SHISA9: variants seen among roughly 807,000 people sequenced by gnomAD.
SHISA9 encodes the protein shisa family member 9.
SHISA9 carries 13 observed loss-of-function variants against 38.0 expected under a neutral mutation model. The observed-to-expected ratio is 0.34, with a 90% confidence interval of 0.22 to 0.54. The LOEUF (loss-of-function observed/expected upper bound fraction) is 0.54, where lower values mean the gene tolerates loss of function less well. Among genes scored for constraint, SHISA9 ranks in the 20% least tolerant of loss-of-function variants. SHISA9 has a pLI of 0.91. For synonymous variants in SHISA9, 275 were observed against 242.0 expected (o/e 1.14, Z -1.27); for missense variants, 538 against 575.8 (o/e 0.93, Z 0.67).
At chr16:13,012,766 A>G (rs2072693845) in intron 2 of SHISA9, among the ~76,000 whole-genome samples, 1 of 151,948 alleles carries the variant, frequency 6.6e-6, no homozygotes, top group African/African-American at 2.4e-5. Context: ...TACTTACACC[A>G]CTTGCCCATT....
At chr16:13,081,874 T>A (rs1022795931) in intron 2 of SHISA9, among the ~76,000 whole-genome samples, 2 of 151,616 alleles carry the variant, frequency 1.3e-5, no homozygotes, top group Non-Finnish European at 2.9e-5. Flanking sequence ...AAAAGGTTTC[T>A]ACTGATCAAC....
the SHISA9 span, among the ~76,000 whole-genome samples, chr16:13,290,634 A>C: frequency 6.6e-6 from 1 of 152,142 alleles, no homozygotes; most frequent in Non-Finnish European, 1.5e-5. Flanking sequence ...TACCCTTTAC[A>C]AGAAGGGGAG....
At chr16:13,099,658 G>C (rs1465531066) in intron 2 of SHISA9, among the ~76,000 whole-genome samples, 1 of 152,150 alleles carries the variant, frequency 6.6e-6, no homozygotes, top group Non-Finnish European at 1.5e-5. Context: ...GTGTAGCATG[G>C]CTGGACCCCG....
At chr16:13,418,136 T>G in the SHISA9 span, among the ~76,000 whole-genome samples, 8 of 152,152 alleles carry the variant, frequency 5.3e-5, no homozygotes, top group Non-Finnish European at 1.0e-4. Context: ...TCTGAGAATA[T>G]GACTTGTGTA....
At chr16:13,487,791 C>T in the SHISA9 span, among the ~76,000 whole-genome samples, 6 of 151,792 alleles carry the variant, frequency 4.0e-5, no homozygotes, top group East Asian at 1.9e-4. Context: ...CTGTTTTTTC[C>T]GGATATTTGC....
At chr16:12,926,989 G>A (rs1223512391) in intron 2 of SHISA9, among the ~76,000 whole-genome samples, 2 of 152,194 alleles carry the variant, frequency 1.3e-5, no homozygotes, top group East Asian at 1.9e-4. Flanking sequence ...TCGGCCATGG[G>A]AGGACCGAAA....
At chr16:13,452,471 A>C in the SHISA9 span, among the ~76,000 whole-genome samples, 7 of 152,290 alleles carry the variant, frequency 4.6e-5, 1 homozygote, top group South Asian at 1.5e-3. Flanking sequence ...AATTACAACC[A>C]CTTGGCTGTG....
At chr16:13,412,847 C>A in the SHISA9 span, among the ~76,000 whole-genome samples, 1 of 152,002 alleles carries the variant, frequency 6.6e-6, no homozygotes, top group Admixed American at 6.6e-5. Flanking sequence ...CAGAGAAAGA[C>A]CCTGTCCCCC....
the SHISA9 span, among the ~76,000 whole-genome samples, chr16:13,351,340 C>T: frequency 6.1e-3 from 921 of 152,180 alleles, 7 homozygotes; most frequent in African/African-American, 0.018. Context: ...CATACTCCTC[C>T]GTATAACATG....
At chr16:13,348,716 C>G in the SHISA9 span, among the ~76,000 whole-genome samples, 2 of 151,912 alleles carry the variant, frequency 1.3e-5, no homozygotes, top group African/African-American at 4.8e-5. Flanking sequence ...CTAGTCTAAT[C>G]AGACTATGCT....
intron 2 of SHISA9, among the ~76,000 whole-genome samples, chr16:13,127,334 TGA>T (rs1211614145): frequency 2.2e-5 from 1 of 44,958 alleles, no homozygotes; most frequent in South Asian, 6.7e-4. Context: ...GATGAAGGGG[TGA>T]GAGAGTGAGG....
intron 2 of SHISA9, among the ~76,000 whole-genome samples, chr16:13,046,271 C>T (rs1392740139): frequency 6.6e-6 from 1 of 152,150 alleles, no homozygotes; most frequent in African/African-American, 2.4e-5. Flanking sequence ...ATTTTCTGAA[C>T]CTAAATTTAG....
chr16:13,187,778 C>T (rs1397744817), intron 2 of SHISA9, among the ~76,000 whole-genome samples: 1 of 152,168 alleles, frequency 6.6e-6, no homozygotes, highest in South Asian at 2.1e-4. Context: ...GATTTGCACC[C>T]TAACTTCAGT....
intron 4 of SHISA9, among the ~76,000 whole-genome samples, chr16:13,221,130 C>T (rs886740540): frequency 6.6e-6 from 1 of 152,122 alleles, no homozygotes; most frequent in Non-Finnish European, 1.5e-5. Context: ...CCGGTTTTCT[C>T]TCTTAGAGCA....
chr16:13,158,659 A>G (rs1338820915), intron 2 of SHISA9, among the ~76,000 whole-genome samples: 4 of 152,122 alleles, frequency 2.6e-5, no homozygotes, highest in Non-Finnish European at 5.9e-5. Flanking sequence ...GGGAAAGCAA[A>G]TATTTGGTCT....
intron 2 of SHISA9, among the ~76,000 whole-genome samples, chr16:13,115,501 C>G (rs2074023139): frequency 6.6e-6 from 1 of 152,220 alleles, no homozygotes; most frequent in Non-Finnish European, 1.5e-5. Context: ...TTAAGAATGC[C>G]TTTAAGCGGT....
At chr16:13,042,015 T>C (rs1222036971) in intron 2 of SHISA9, among the ~76,000 whole-genome samples, 1 of 152,224 alleles carries the variant, frequency 6.6e-6, no homozygotes, top group Admixed American at 6.5e-5. Flanking sequence ...AAGGGGATTT[T>C]GAGGAGGGAT....
intron 3 of SHISA9, among the ~76,000 whole-genome samples, chr16:13,204,281 C>T (rs2142056468): frequency 6.6e-6 from 1 of 151,922 alleles, no homozygotes; most frequent in African/African-American, 2.4e-5. Context: ...ACCTGGGACC[C>T]AGGTTTCTAA....
At chr16:12,986,840 A>C (rs1567173402) in intron 2 of SHISA9, among the ~76,000 whole-genome samples, 1 of 152,344 alleles carries the variant, frequency 6.6e-6, no homozygotes, top group East Asian at 1.9e-4. Context: ...GAGGCAAAGG[A>C]ACCTGCCCAG....
Sources: allele counts gnomAD v4.1 joint callset (sites outside exome capture counted in the v4.1 genomes callset), GRCh38; gene constraint gnomAD v4.1.1; transcripts MANE v1.5; gene names NCBI Gene and HGNC (gene_info 2026-07-23, HGNC 2026-07-21).